SLC35D4: variants seen among roughly 807,000 people sequenced by gnomAD.
SLC35D4 encodes the protein UDP-N-acetylglucosamine transporter SLC35D4.
chr18:23,436,079 A>G, the SLC35D4 span, among the ~76,000 whole-genome samples: 39 of 126,934 alleles, frequency 3.1e-4, no homozygotes, highest in Non-Finnish European at 5.4e-4. Context: ...TCTGTTGCCC[A>G]GGCTGGAATG....
chr18:23,413,009 A>G, the SLC35D4 span, among the ~76,000 whole-genome samples: 1 of 152,180 alleles, frequency 6.6e-6, no homozygotes, highest in Non-Finnish European at 1.5e-5. Context: ...GGACCATGTG[A>G]CCACTGGGTT....
At chr18:23,381,821 C>A in the SLC35D4 span, among the ~76,000 whole-genome samples, 1 of 152,234 alleles carries the variant, frequency 6.6e-6, no homozygotes, top group Admixed American at 6.5e-5. Context: ...CCTACCGTCA[C>A]CCTCATCTAC....
chr18:23,343,151 G>A, the SLC35D4 span, among the ~76,000 whole-genome samples: 1 of 152,184 alleles, frequency 6.6e-6, no homozygotes, highest in Non-Finnish European at 1.5e-5. Context: ...TCGAACTCCT[G>A]ATCTCAGGTG....
At chr18:23,413,358 A>G in the SLC35D4 span, among the ~76,000 whole-genome samples, 2 of 152,218 alleles carry the variant, frequency 1.3e-5, no homozygotes, top group Admixed American at 6.5e-5. Context: ...CTAAAGCCCA[A>G]TAAGAGCTTC....
chr18:23,356,950 T>C, the SLC35D4 span, among the ~76,000 whole-genome samples: 2 of 152,226 alleles, frequency 1.3e-5, no homozygotes, highest in African/African-American at 4.8e-5. The surrounding 1 kb of genome is among the most constrained non-coding windows in gnomAD (Gnocchi z 4.1). Context: ...AACAACTCTG[T>C]GAGGTTCTAT....
At chr18:23,341,700 C>T in the SLC35D4 span, among the ~76,000 whole-genome samples, 1 of 152,124 alleles carries the variant, frequency 6.6e-6, no homozygotes, top group Non-Finnish European at 1.5e-5. Flanking sequence ...ACATATTCTA[C>T]CACGGAGGAT....
the SLC35D4 span, among the ~76,000 whole-genome samples, chr18:23,405,345 G>A: frequency 2.0e-5 from 3 of 152,094 alleles, no homozygotes; most frequent in Admixed American, 6.5e-5. Context: ...CCACTACCAC[G>A]CCTGGCTAAT....
At chr18:23,275,633 T>G in the SLC35D4 span, among the ~76,000 whole-genome samples, 5 of 144,282 alleles carry the variant, frequency 3.5e-5, no homozygotes, top group South Asian at 1.1e-3. Context: ...TGTGCTGTGC[T>G]GTGCTGTGCT....
At chr18:23,286,858 C>T in the SLC35D4 span, among the ~76,000 whole-genome samples, 1 of 152,128 alleles carries the variant, frequency 6.6e-6, no homozygotes, top group African/African-American at 2.4e-5. Flanking sequence ...CTGACTATTC[C>T]TGGATTACAG....
chr18:23,415,359 G>T, the SLC35D4 span, among the ~76,000 whole-genome samples: 1 of 152,132 alleles, frequency 6.6e-6, no homozygotes, highest in Non-Finnish European at 1.5e-5. Context: ...TCTCATCTTT[G>T]AAAGCTTGAG....
At chr18:23,428,619 A>T in the SLC35D4 span, among the ~76,000 whole-genome samples, 1 of 152,034 alleles carries the variant, frequency 6.6e-6, no homozygotes, top group Non-Finnish European at 1.5e-5. Context: ...TTAGGGTCCA[A>T]CAATCCTCCT....
chr18:23,312,895 A>C, the SLC35D4 span, among the ~76,000 whole-genome samples: 1 of 152,088 alleles, frequency 6.6e-6, no homozygotes, highest in Non-Finnish European at 1.5e-5. Context: ...TGGGAGGCCA[A>C]GACGGGCGGA....
chr18:23,342,065 C>A, the SLC35D4 span, among the ~76,000 whole-genome samples: 1 of 152,112 alleles, frequency 6.6e-6, no homozygotes, highest in Non-Finnish European at 1.5e-5. Flanking sequence ...TACTTTACAG[C>A]TTTCAGGGAT....
At chr18:23,309,035 G>A in the SLC35D4 span, among the ~76,000 whole-genome samples, 1 of 152,062 alleles carries the variant, frequency 6.6e-6, no homozygotes, top group African/African-American at 2.4e-5. Context: ...ATCATCTCTA[G>A]ATTACTTGTA....
the SLC35D4 span, among the ~76,000 whole-genome samples, chr18:23,292,126 C>T: frequency 3.9e-5 from 6 of 152,214 alleles, no homozygotes; most frequent in East Asian, 1.9e-4. Flanking sequence ...TATGGTATTA[C>T]CTGCTTGTGC....
At chr18:23,350,718 G>A in the SLC35D4 span, among the ~76,000 whole-genome samples, 1 of 152,044 alleles carries the variant, frequency 6.6e-6, no homozygotes, top group African/African-American at 2.4e-5. Flanking sequence ...ATGCACCACC[G>A]AGTTGGCCTA....
the SLC35D4 span, among the ~76,000 whole-genome samples, chr18:23,422,562 C>A: frequency 1.3e-5 from 2 of 152,184 alleles, no homozygotes; most frequent in African/African-American, 4.8e-5. Flanking sequence ...AGCATTAGTC[C>A]CTTAACTGGT....
chr18:23,317,181 A>ACC, the SLC35D4 span, among the ~76,000 whole-genome samples: 1,563 of 143,942 alleles, frequency 0.011, 19 homozygotes, highest in Non-Finnish European at 0.02. Context: ...ACACACACAC[A>ACC]CCCCACTAAT....
the SLC35D4 span, chr18:23,352,332 C>T: frequency 1.3e-5 from 20 of 1,548,362 alleles, no homozygotes; most frequent in African/African-American, 2.8e-5. Context: ...GCTTGTCTTC[C>T]CTTAGCCAAT....
Sources: allele counts gnomAD v4.1 joint callset (sites outside exome capture counted in the v4.1 genomes callset), GRCh38; gene constraint gnomAD v4.1.1; non-coding constraint Gnocchi (gnomAD v3.1); transcripts MANE v1.5; gene names NCBI Gene and HGNC (gene_info 2026-07-23, HGNC 2026-07-21).